Variants in NTRK3 observed in about 807,000 individuals in gnomAD.
NTRK3 encodes NT-3 growth factor receptor.
In NTRK3, 24 loss-of-function variants were observed where a neutral mutation model predicts 91.7. The observed-to-expected ratio is 0.26, with a 90% CI of 0.19 to 0.37. NTRK3 has a LOEUF of 0.37. NTRK3 is among the 10% of genes least tolerant of loss of function. NTRK3 has a pLI of 1.00. For synonymous variants in NTRK3, 483 were observed against 404.0 expected (o/e 1.20, Z -2.34); for missense variants, 880 against 1,068.9 (o/e 0.82, Z 2.46).
intron 3 of NTRK3, among the ~76,000 whole-genome samples, chr15:88,199,370 G>T (rs1482168120): frequency 6.6e-6 from 1 of 152,132 alleles, no homozygotes; most frequent in African/African-American, 2.4e-5. Flanking sequence ...TGATCCTTGG[G>T]GCAGGGACTA....
chr15:88,189,160 C>A (rs2151658021), intron 3 of NTRK3, among the ~76,000 whole-genome samples: 1 of 152,286 alleles, frequency 6.6e-6, no homozygotes, highest in South Asian at 2.1e-4. Context: ...TCTCATGATG[C>A]TGCCAGGTGG....
At chr15:87,939,610 A>T (rs1002638763) in intron 15 of NTRK3, among the ~76,000 whole-genome samples, 9 of 152,192 alleles carry the variant, frequency 5.9e-5, no homozygotes, top group Non-Finnish European at 1.2e-4. Flanking sequence ...GTGATCCCTC[A>T]ATGCTAAGGA....
chr15:88,230,715 G>C (rs970038192), intron 3 of NTRK3, among the ~76,000 whole-genome samples: 2 of 152,042 alleles, frequency 1.3e-5, no homozygotes, highest in Non-Finnish European at 2.9e-5. Flanking sequence ...AGTGGGGATG[G>C]GGAGAGGAAA....
At chr15:88,048,262 G>A (rs778649841) in intron 13 of NTRK3, among the ~76,000 whole-genome samples, 93 of 152,102 alleles carry the variant, frequency 6.1e-4, no homozygotes, top group Non-Finnish European at 1.2e-3. Context: ...CAATCTCTTA[G>A]AGAAATTAGT....
At chr15:87,946,586 G>C (rs28591636) in intron 14 of NTRK3, among the ~76,000 whole-genome samples, 6,269 of 152,118 alleles carry the variant, frequency 0.041, 446 homozygotes, top group African/African-American at 0.14. Context: ...GCCACCACCA[G>C]CAGCCCTGAG....
At chr15:88,124,851 C>G (rs2053119205) in intron 13 of NTRK3, among the ~76,000 whole-genome samples, 1 of 152,202 alleles carries the variant, frequency 6.6e-6, no homozygotes, top group Non-Finnish European at 1.5e-5. Context: ...ATGTCTTTCT[C>G]TTGGTCAAAA....
At chr15:88,146,577 G>T (rs1015946658) in intron 6 of NTRK3, among the ~76,000 whole-genome samples, 1 of 152,170 alleles carries the variant, frequency 6.6e-6, no homozygotes, top group African/African-American at 2.4e-5. Flanking sequence ...TCATCAACAT[G>T]AGTTATTTTT....
chr15:87,979,034 T>C, intron 14 of NTRK3: 1 of 469,862 alleles, frequency 2.1e-6, no homozygotes, highest in Non-Finnish European at 3.8e-6. Flanking sequence ...ATGGCTAGTG[T>C]ATTTAAAAGA....
At chr15:88,142,320 G>C (rs1356860054) in intron 6 of NTRK3, among the ~76,000 whole-genome samples, 2 of 152,250 alleles carry the variant, frequency 1.3e-5, no homozygotes, top group Non-Finnish European at 2.9e-5. Flanking sequence ...TACAGCAGCA[G>C]CTGCTGCAAG....
chr15:88,002,090 G>A (rs1262689578), intron 14 of NTRK3, among the ~76,000 whole-genome samples: 1 of 150,262 alleles, frequency 6.7e-6, no homozygotes, highest in East Asian at 2.0e-4. Flanking sequence ...TTCATCATTG[G>A]AATTATTCCC....
intron 17 of NTRK3, among the ~76,000 whole-genome samples, chr15:87,888,758 T>A (rs915703304): frequency 2.6e-5 from 4 of 151,870 alleles, no homozygotes; most frequent in South Asian, 2.1e-4. Flanking sequence ...ATACTCATAC[T>A]AAAAATATGT....
At chr15:88,155,585 A>G (rs897366445) in intron 5 of NTRK3, among the ~76,000 whole-genome samples, 1 of 152,216 alleles carries the variant, frequency 6.6e-6, no homozygotes, top group African/African-American at 2.4e-5. Context: ...GAGCAATTGC[A>G]ACAGAGACCA....
chr15:88,085,277 T>C (rs554497970), intron 13 of NTRK3, among the ~76,000 whole-genome samples: 2 of 152,318 alleles, frequency 1.3e-5, no homozygotes, highest in South Asian at 4.2e-4. Flanking sequence ...GGGATGATTG[T>C]TCAACTCATA....
chr15:88,067,449 A>AT (rs1007051191), intron 13 of NTRK3, among the ~76,000 whole-genome samples: 17 of 151,580 alleles, frequency 1.1e-4, no homozygotes, highest in Admixed American at 2.6e-4. Context: ...ATGACTGCCT[A>AT]TTTTTTTTAA....
At chr15:87,882,949 T>A (rs1313238396) in intron 17 of NTRK3, among the ~76,000 whole-genome samples, 2 of 151,848 alleles carry the variant, frequency 1.3e-5, no homozygotes, top group East Asian at 3.9e-4. Context: ...ACCTCTTAAA[T>A]GAGAGAGAAA....
At chr15:88,180,787 A>G (rs953632157) in intron 5 of NTRK3, among the ~76,000 whole-genome samples, 9 of 152,066 alleles carry the variant, frequency 5.9e-5, no homozygotes, top group African/African-American at 2.2e-4. Context: ...TTGTAAATGC[A>G]TTTAGAGGAC....
intron 14 of NTRK3, 132 bp from the exon 15 acceptor site, chr15:87,940,885 A>G (rs1176900828): frequency 8.4e-7 from 1 of 1,193,822 alleles, no homozygotes; most frequent in Non-Finnish European, 1.2e-6. Flanking sequence ...AAACTCTAGC[A>G]CACCAGCTTT....
At chr15:88,126,417 A>G in intron 12 of NTRK3, 44 bp from the exon 13 acceptor site, 1 of 1,369,646 alleles carries the variant, frequency 7.3e-7, no homozygotes, top group Non-Finnish European at 1.0e-6. Flanking sequence ...ATCACAGAAA[A>G]CCCAATTTCC....
At chr15:87,931,713 C>A (rs1024864738) in intron 16 of NTRK3, among the ~76,000 whole-genome samples, 2 of 152,176 alleles carry the variant, frequency 1.3e-5, no homozygotes, top group African/African-American at 4.8e-5. Flanking sequence ...TTAGGGCCAT[C>A]TTTATAGAAA....
Sources: allele counts gnomAD v4.1 joint callset (sites outside exome capture counted in the v4.1 genomes callset), GRCh38; gene constraint gnomAD v4.1.1; transcripts MANE v1.5; gene names NCBI Gene and HGNC (gene_info 2026-07-23, HGNC 2026-07-21).